The following ZBTB7C variants were observed in gnomAD, a reference collection of about 807,000 sequenced individuals.
ZBTB7C encodes zinc finger and BTB domain-containing protein 7C.
ZBTB7C carries 8 observed loss-of-function variants against 25.7 expected under a neutral mutation model. The observed-to-expected ratio is 0.31, with a 90% confidence interval of 0.18 to 0.56. The LOEUF is 0.56. Ranked by LOEUF, ZBTB7C falls within the 20% of genes least tolerant of loss-of-function variation. ZBTB7C has a pLI of 0.91. For synonymous variants in ZBTB7C, 394 were observed against 369.0 expected (o/e 1.07, Z -0.78); for missense variants, 824 against 855.2 (o/e 0.96, Z 0.46).
intron 2 of ZBTB7C, among the ~76,000 whole-genome samples, chr18:48,191,888 G>C (rs998872579): frequency 2.6e-5 from 4 of 152,236 alleles, no homozygotes; most frequent in Admixed American, 2.0e-4. Context: ...CAGTTTGGCA[G>C]TTGTATACAA....
rs375489758 is a variant in ZBTB7C, at chr18:48,075,829, C to T, written c.-16-34706G>A. ...TGCTCTGTCCGCTAATCTCCCAGCA[C>T]GTCCAGAAATCAGAAACACCAGTTG... is the stretch of plus-strand genomic sequence containing the variant. On this transcript the variant is annotated intron_variant, in intron 3 of 4. Transcript: ENST00000590800. Among the ~76,000 whole-genome samples the T allele has an allele frequency of 5.3e-4, 80 of 152,320 alleles. 1 individual carries two copies. The highest frequency in any genetic ancestry group is 1.8e-3 in the African/African-American group (75 of 41,576).
intron 1 of ZBTB7C, among the ~76,000 whole-genome samples, chr18:48,380,444 C>T (rs904039563): frequency 6.6e-6 from 1 of 152,156 alleles, no homozygotes; most frequent in Admixed American, 6.5e-5. Context: ...ATGGATTAGT[C>T]GGAGACATCG....
At chr18:48,289,947 G>A (rs999874740) in intron 2 of ZBTB7C, among the ~76,000 whole-genome samples, 4 of 152,134 alleles carry the variant, frequency 2.6e-5, no homozygotes, top group Admixed American at 6.5e-5. Context: ...GAAAATAAAC[G>A]AATTTGATAT....
intron 2 of ZBTB7C, among the ~76,000 whole-genome samples, chr18:48,210,338 T>C (rs2145242550): frequency 6.6e-6 from 1 of 152,212 alleles, no homozygotes; most frequent in Middle Eastern, 3.4e-3. Flanking sequence ...AAAGCATATA[T>C]CCACATAAAA....
chr18:48,336,788 C>A lies in ZBTB7C; in HGVS notation c.-79+1386G>T, dbSNP rs180742829. Among the ~76,000 whole-genome samples the A allele has an allele frequency of 3.9e-5, 6 of 152,248 alleles. No individual in the cohort carries two copies. In the East Asian group the frequency reaches 1.2e-3, roughly 29 times the overall value. On this transcript the variant is annotated intron_variant, in intron 2 of 4. Transcript: ENST00000590800. ...CCTACCCAGTCCCCCAGGATGCTCC[C>A]CAGCTTCAGCCCTGCCCAGGTCCCC...
chr18:48,089,664 A>G (rs8099626), intron 3 of ZBTB7C, among the ~76,000 whole-genome samples: 48,776 of 151,940 alleles, frequency 0.32, 9,124 homozygotes, highest in South Asian at 0.52. Context: ...GGTAGGGCCT[A>G]AAAGTCTGCA....
intron 2 of ZBTB7C, among the ~76,000 whole-genome samples, chr18:48,266,103 T>C (rs1200451072): frequency 6.6e-6 from 1 of 152,186 alleles, no homozygotes; most frequent in East Asian, 1.9e-4. Flanking sequence ...TTGTACTGCA[T>C]TTGTGCCTTT....
At chr18:48,163,545 G>C (rs2041143299) in intron 3 of ZBTB7C, among the ~76,000 whole-genome samples, 1 of 152,208 alleles carries the variant, frequency 6.6e-6, no homozygotes. Flanking sequence ...AGCTCAGGAA[G>C]ACCAGCTGTC....
chr18:48,244,155 A>G (rs527404376), intron 2 of ZBTB7C, among the ~76,000 whole-genome samples: 37 of 152,208 alleles, frequency 2.4e-4, no homozygotes, highest in Non-Finnish European at 5.0e-4. Context: ...CAAATGCAAC[A>G]AAAACAAGAA....
intron 2 of ZBTB7C, among the ~76,000 whole-genome samples, chr18:48,245,428 T>C (rs1447714923): frequency 6.9e-6 from 1 of 145,352 alleles, no homozygotes. Flanking sequence ...AAAGATCTTA[T>C]CCATGTAACC....
intron 2 of ZBTB7C, among the ~76,000 whole-genome samples, chr18:48,321,270 G>T (rs960528391): frequency 1.6e-4 from 24 of 152,298 alleles, no homozygotes; most frequent in Middle Eastern, 3.4e-3. Context: ...TCAGCCACTT[G>T]CTCTCCCAGA....
intron 2 of ZBTB7C, among the ~76,000 whole-genome samples, chr18:48,322,964 A>G (rs1356345414): frequency 6.6e-6 from 1 of 152,236 alleles, no homozygotes; most frequent in Admixed American, 6.5e-5. Context: ...ACCAAACATC[A>G]TATGTTCTCT....
chr18:48,397,672 C>T (rs1439935021), intron 1 of ZBTB7C, among the ~76,000 whole-genome samples: 1 of 152,238 alleles, frequency 6.6e-6, no homozygotes, highest in East Asian at 1.9e-4. Context: ...AAGTTCATCA[C>T]AGGTCTCACA....
intron 1 of ZBTB7C, among the ~76,000 whole-genome samples, chr18:48,367,173 TTTTATATATA>T (rs1320744898): frequency 5.0e-5 from 1 of 19,870 alleles, no homozygotes; most frequent in Non-Finnish European, 7.8e-5. Context: ...TCTCCCCAAG[TTTTATATATA>T]TATATATATA....
chr18:48,231,832 C>T (rs533396478), intron 2 of ZBTB7C, among the ~76,000 whole-genome samples: 7 of 152,322 alleles, frequency 4.6e-5, no homozygotes, highest in Admixed American at 1.3e-4. Context: ...TAGGGCTCTG[C>T]GGTTCCAGGC....
At chr18:48,141,326 G>C (rs962088525) in intron 3 of ZBTB7C, among the ~76,000 whole-genome samples, 1 of 152,130 alleles carries the variant, frequency 6.6e-6, no homozygotes, top group Admixed American at 6.5e-5. Context: ...CCCTTGATCA[G>C]AGGATTCATG....
At chr18:48,366,291 G>C (rs1274414287) in intron 1 of ZBTB7C, among the ~76,000 whole-genome samples, 2 of 152,178 alleles carry the variant, frequency 1.3e-5, no homozygotes, top group Non-Finnish European at 2.9e-5. Flanking sequence ...AAAAAGTTTG[G>C]ATGACATGTA....
chr18:48,314,637 A>G (rs556027365), intron 2 of ZBTB7C, among the ~76,000 whole-genome samples: 1 of 152,216 alleles, frequency 6.6e-6, no homozygotes, highest in East Asian at 1.9e-4. Context: ...TGTATACCCA[A>G]TCAGGCACAA....
At chr18:48,345,402 T>C (rs1472427018) in intron 1 of ZBTB7C, among the ~76,000 whole-genome samples, 1 of 152,214 alleles carries the variant, frequency 6.6e-6, no homozygotes, top group Non-Finnish European at 1.5e-5. Context: ...AACTGGTTTC[T>C]GACATGCGTA....
Sources: allele counts gnomAD v4.1 joint callset (sites outside exome capture counted in the v4.1 genomes callset), GRCh38; gene constraint gnomAD v4.1.1; transcripts MANE v1.5; gene names NCBI Gene and HGNC (gene_info 2026-07-23, HGNC 2026-07-21).